Variants in ERBIN observed in about 807,000 individuals in gnomAD.
The protein encoded by ERBIN is erbb2 interacting protein, also known as densin-180-like protein.
ERBIN carries 60 observed loss-of-function variants against 158.4 expected under a neutral mutation model. The observed-to-expected ratio is 0.38, with a 90% CI of 0.31 to 0.47. ERBIN has a LOEUF of 0.47. Among genes scored for constraint, ERBIN ranks in the 20% least tolerant of loss-of-function variants. ERBIN has a pLI of 0.99. For synonymous variants in ERBIN, 594 were observed against 557.2 expected (o/e 1.07, Z -0.93); for missense variants, 1,610 against 1,648.0 (o/e 0.98, Z 0.40).
chr5:66,059,851 C>T (rs1760060476), intron 21 of ERBIN, among the ~76,000 whole-genome samples: 1 of 152,080 alleles, frequency 6.6e-6, no homozygotes. Flanking sequence ...TATTGATTTT[C>T]ATATGTTGAA....
chr5:66,018,473 T>TTATATTATATAA (rs1554058738), intron 7 of ERBIN, among the ~76,000 whole-genome samples: 1,033 of 5,052 alleles, frequency 0.2, 346 homozygotes, highest in Non-Finnish European at 0.28. Context: ...ATAATATATA[T>TTATATTATATAA]TATATATTAT....
At chr5:66,044,842 C>T (rs1006850380) in intron 17 of ERBIN, among the ~76,000 whole-genome samples, 7 of 151,364 alleles carry the variant, frequency 4.6e-5, no homozygotes, top group African/African-American at 1.5e-4. Context: ...TTTGGGAGGC[C>T]GAGGTGGGAT....
At chr5:65,938,644 C>G (rs572001413) in intron 1 of ERBIN, among the ~76,000 whole-genome samples, 2 of 152,276 alleles carry the variant, frequency 1.3e-5, no homozygotes, top group South Asian at 4.1e-4. Context: ...CCTCCACCTC[C>G]TGGGTTCAAG....
At chr5:65,948,909 A>G (rs950813614) in intron 1 of ERBIN, among the ~76,000 whole-genome samples, 1 of 151,614 alleles carries the variant, frequency 6.6e-6, no homozygotes, top group African/African-American at 2.4e-5. Context: ...GATTAGAGGC[A>G]TTTTCCACCA....
chr5:66,014,641 A>G, intron 6 of ERBIN, 28 bp from the exon 7 acceptor site: 2 of 1,078,436 alleles, frequency 1.9e-6, no homozygotes, highest in African/African-American at 1.7e-5. Context: ...CTTTGTCCTA[A>G]ATACATGATT....
chr5:66,080,269 AT>A lies in ERBIN; in HGVS notation c.*1741del, dbSNP rs1353497916. 1 of 152,534 alleles carries A rather than the reference AT, an allele frequency of 6.6e-6. No homozygotes were observed. Among genetic ancestry groups the A allele is most frequent in the Non-Finnish European group, 1.5e-5 (1 of 67,962 alleles). 9.4% of individuals were successfully genotyped at this position (152,534 alleles called of 1,614,324 possible). ...CTTTTAAAAATATGTGAACTCAAAT[AT>A]TGCACTTCTTTCAAGATGTTATCAA... On this transcript the variant is annotated 3_prime_UTR_variant, in exon 26 of 26. Transcript: ENST00000284037.
At chr5:66,044,339 G>A (rs201449725) in intron 17 of ERBIN, 29 bp downstream of exon 17, 1 of 1,556,178 alleles carries the variant, frequency 6.4e-7, no homozygotes, top group East Asian at 2.3e-5. Flanking sequence ...ATTAACCAAA[G>A]CCTATTTCAA....
At chr5:66,056,143 AAG>A (rs895171510) in intron 21 of ERBIN, among the ~76,000 whole-genome samples, 13 of 152,186 alleles carry the variant, frequency 8.5e-5, no homozygotes, top group African/African-American at 2.9e-4. Context: ...GCTGTAGTCA[AAG>A]AGATTGAGTT....
chr5:66,065,590 CCTGTGTGTGTGTGTGTGTGTGTGTG>C (rs1213201219), intron 21 of ERBIN, among the ~76,000 whole-genome samples: 5 of 109,486 alleles, frequency 4.6e-5, no homozygotes, highest in African/African-American at 1.6e-4. Context: ...TTAATTTTGA[CCTGTGTGTGTGTGTGTGTGTGTGTG>C]TGTGTGTGTG....
chr5:66,011,349 C>T (rs1169387098), intron 4 of ERBIN, among the ~76,000 whole-genome samples: 2 of 152,084 alleles, frequency 1.3e-5, no homozygotes, highest in East Asian at 3.8e-4. Flanking sequence ...TTCAGCTTTG[C>T]TTATGTATAT....
At chr5:66,048,555 T>C in intron 18 of ERBIN, 112 bp from the exon 19 acceptor site, 1 of 668,476 alleles carries the variant, frequency 1.5e-6, no homozygotes, top group Non-Finnish European at 2.6e-6. Flanking sequence ...CTTGAAAAGG[T>C]TTAATATGTG....
chr5:65,978,381 T>TG (rs1580230893), intron 1 of ERBIN, among the ~76,000 whole-genome samples: 1 of 152,194 alleles, frequency 6.6e-6, no homozygotes, highest in South Asian at 2.1e-4. Flanking sequence ...CTTTTTCTGT[T>TG]GAAAAAAAAA....
intron 5 of ERBIN, 66 bp downstream of exon 5, chr5:66,012,193 A>T: frequency 9.4e-7 from 1 of 1,060,554 alleles, no homozygotes; most frequent in Non-Finnish European, 1.4e-6. Flanking sequence ...AGTAGATATT[A>T]TTGTACATAT....
At chr5:66,070,725 C>A (rs910046895) in intron 21 of ERBIN, among the ~76,000 whole-genome samples, 16 of 152,136 alleles carry the variant, frequency 1.1e-4, no homozygotes, top group African/African-American at 3.6e-4. Context: ...CATAAATACA[C>A]AAAATTAGAT....
At position 66,072,214 on chromosome 5, in the gene ERBIN, A is replaced by T. The variant is rs1227589532; in HGVS notation, c.3679A>T (p.Ile1227Leu). 3.2e-6 allele frequency: 5 copies of T among 1,550,314 alleles called. No homozygotes were observed. Among genetic ancestry groups the T allele is most frequent in the Non-Finnish European group, 4.4e-6 (5 of 1,146,864 alleles). Reference sequence around the variant, plus strand: ...TTCAGGAGATCCTTGTCAAGATGGTATATTCATTTCAGGACAGCAGAACTA... The same window carrying T: ...TTCAGGAGATCCTTGTCAAGATGGTTTATTCATTTCAGGACAGCAGAACTA... ...SSSGDPCQDG[I>L]FISGQQNYSS... Residue 1227 changes from isoleucine to leucine, a missense_variant, in exon 22 of 26, where the codon ATA becomes TTA. Physicochemically the swap from Ile to Leu is conservative, Grantham distance 5 (BLOSUM62 2). Transcript: ENST00000284037.
rs1470107691 is a variant in ERBIN, at chr5:66,078,291, G to T, written c.4132-132G>T. 1.4e-5 allele frequency: 9 copies of T among 635,606 alleles called. No homozygotes were observed. The African/African-American group carries it at 1.8e-4, about 12-fold the overall frequency. 39.4% of individuals were successfully genotyped at this position (635,606 alleles called of 1,614,324 possible). On this transcript the variant is annotated intron_variant, in intron 25 of 25. Transcript: ENST00000284037. ...GACTTTATTCCTTGGTTTGGGTAGG[G>T]CCTGTGAATCTGTATGTTATTTTAA...
At chr5:66,067,086 GATTT>G (rs1158867957) in intron 21 of ERBIN, among the ~76,000 whole-genome samples, 1 of 152,140 alleles carries the variant, frequency 6.6e-6, no homozygotes, top group Non-Finnish European at 1.5e-5. Flanking sequence ...ATGTATGAAT[GATTT>G]CTTTGTTTTT....
At chr5:66,004,103 A>ATTT (rs57148473) in intron 4 of ERBIN, among the ~76,000 whole-genome samples, 2 of 105,176 alleles carry the variant, frequency 1.9e-5, no homozygotes, top group African/African-American at 3.5e-5. Flanking sequence ...ATGCTCGGCT[A>ATTT]TTTTTTTTTT....
intron 1 of ERBIN, among the ~76,000 whole-genome samples, chr5:65,952,060 G>A (rs1260209540): frequency 6.6e-6 from 1 of 152,142 alleles, no homozygotes; most frequent in African/African-American, 2.4e-5. Flanking sequence ...TCAGACATTA[G>A]GACTCATGTT....
Sources: gnomAD v4.1 joint callset for allele counts (sites outside exome capture counted in the v4.1 genomes callset) on GRCh38, gnomAD v4.1.1 for gene constraint, MANE v1.5 for transcripts, NCBI Gene and HGNC (gene_info 2026-07-23, HGNC 2026-07-21) for gene names.